Variants in STC1 observed in about 807,000 individuals in gnomAD.
STC1 encodes stanniocalcin-1.
In STC1, 7 loss-of-function variants were observed where a neutral mutation model predicts 22.6. That is an observed-to-expected ratio of 0.31 (90% CI 0.18 to 0.58). The LOEUF is 0.58. Ranked by LOEUF, STC1 falls within the 20% of genes least tolerant of loss-of-function variation. STC1 has a pLI of 0.89. For synonymous variants in STC1, 113 were observed against 120.7 expected (o/e 0.94, Z 0.42); for missense variants, 224 against 311.0 (o/e 0.72, Z 2.10).
intron 1 of STC1, among the ~76,000 whole-genome samples, chr8:23,853,105 T>C (rs1214852524): frequency 1.3e-5 from 2 of 152,110 alleles, no homozygotes; most frequent in African/African-American, 4.8e-5. Flanking sequence ...GGCCTCCCTA[T>C]GCAAGACTGG....
Position 23,843,973 on chromosome 8 carries a change from C to T in STC1, c.*797G>A, listed in dbSNP as rs1436147274. ...CTATATGCAATAAAGTTATTATATA[C>T]TGCTTTGTTTAAGCAGAGTCCTCTG... On this transcript the variant is annotated 3_prime_UTR_variant, in exon 4 of 4. Transcript: ENST00000290271. 1 of 152,622 alleles carries T rather than the reference C, an allele frequency of 6.6e-6. No homozygotes were observed. The highest frequency in any genetic ancestry group is 2.4e-5 in the African/African-American group (1 of 41,440). The allele number at this position is 152,622 out of a possible 1,614,324, so 9.5% of individuals were successfully genotyped here.
Position 23,854,142 on chromosome 8 carries a change from G to T in STC1, c.118+264C>A, listed in dbSNP as rs371145088. 6.8e-4 allele frequency: 863 copies of T among 1,273,688 alleles called. 14 individuals carry two copies. In the South Asian group the frequency reaches 0.017, roughly 25 times the overall value. The allele number at this position is 1,273,688 out of a possible 1,614,324, so 78.9% of individuals were successfully genotyped here. On this transcript the variant is annotated intron_variant, in intron 1 of 3. Coordinates refer to ENST00000290271, the MANE Select transcript of STC1 (RefSeq NM_003155.3). ...CACCCCTCCCCCTCCAAGAGGGTACGTGCCAGATTTCAGGCAATCAGGCTA... is the reference window on the plus strand; with the variant it reads ...CACCCCTCCCCCTCCAAGAGGGTACTTGCCAGATTTCAGGCAATCAGGCTA...
At position 23,854,680 on chromosome 8, in the gene STC1, ATGC is replaced by A; in HGVS notation, c.-160_-158del. On this transcript the variant is annotated 5_prime_UTR_variant, in exon 1 of 4. Transcript: ENST00000290271. ...TTTTTTTTTGTTGTTGTTGCTGGTG[ATGC>A]TGCTGCTGCCACCGGTGCCTCCGCT... is the stretch of plus-strand genomic sequence containing the variant. 7.8e-6 allele frequency: 6 copies of A among 765,558 alleles called. No individual in the cohort carries two copies. The highest frequency in any genetic ancestry group is 1.4e-5 in the South Asian group (1 of 70,244). The allele number at this position is 765,558 out of a possible 1,614,324, so 47.4% of individuals were successfully genotyped here. A position where few individuals can be genotyped will look rare whatever the true frequency, so the allele number is the denominator to read the frequency against.
At chr8:23,846,029 C>A (rs1457737445) in intron 3 of STC1, among the ~76,000 whole-genome samples, 2 of 152,188 alleles carry the variant, frequency 1.3e-5, no homozygotes, top group African/African-American at 4.8e-5. Context: ...TGCCTGATCA[C>A]TGCACATTTG....
At chr8:23,851,686 A>T (rs1206039157) in intron 2 of STC1, among the ~76,000 whole-genome samples, 155 bp from the exon 3 acceptor site, 1 of 132,296 alleles carries the variant, frequency 7.6e-6, no homozygotes, top group African/African-American at 2.8e-5. Flanking sequence ...TCGGCTAAGG[A>T]TTGAAAAAAA....
At chr8:23,848,225 G>T (rs999499486) in intron 3 of STC1, among the ~76,000 whole-genome samples, 3 of 152,048 alleles carry the variant, frequency 2.0e-5, no homozygotes, top group African/African-American at 7.2e-5. Flanking sequence ...TGGTAGTTAG[G>T]ACTGCTTAAG....
chr8:23,854,715 G>A lies in STC1; in HGVS notation c.-192C>T. On this transcript the variant is annotated 5_prime_UTR_variant, in exon 1 of 4. Coordinates refer to ENST00000290271, the MANE Select transcript of STC1 (RefSeq NM_003155.3). ...TGCCACCGGTGCCTCCGCTGCTGCT[G>A]CTGCTGCCGCCGCTGCTGCTGCTGC... 2.9e-6 allele frequency: 2 copies of A among 678,986 alleles called. No homozygotes were observed. The highest frequency in any genetic ancestry group is 2.8e-5 in the East Asian group (1 of 35,994). 42.1% of individuals were successfully genotyped at this position (678,986 alleles called of 1,614,324 possible). A position where few individuals can be genotyped will look rare whatever the true frequency, so the allele number is the denominator to read the frequency against.
chr8:23,849,359 T>A (rs538729839), intron 3 of STC1, among the ~76,000 whole-genome samples: 1 of 152,256 alleles, frequency 6.6e-6, no homozygotes, highest in South Asian at 2.1e-4. Context: ...TAAAGTGAAA[T>A]TTTTGGAGAA....
chr8:23,851,355 A>C lies in STC1; in HGVS notation c.438T>G (p.Thr146=). The C allele has an allele frequency of 3.1e-6, 5 of 1,614,140 alleles. No individual in the cohort carries two copies. Among genetic ancestry groups the C allele is most frequent in the Non-Finnish European group, 4.2e-6 (5 of 1,180,030 alleles). Residue 146 remains threonine, a synonymous_variant, in exon 3 of 4, where the codon ACT becomes ACG. Transcript: ENST00000290271. ...SIAKRNPEAI[T]EVVQLPNHFS... ...AGTGATTGGGCAGCTGGACGACCTC[A>C]GTGATGGCTTCAGGGTTCCGCTTGG...
intron 3 of STC1, among the ~76,000 whole-genome samples, chr8:23,848,085 CAGTT>C (rs1802593572): frequency 6.6e-6 from 1 of 152,150 alleles, no homozygotes; most frequent in Non-Finnish European, 1.5e-5. Context: ...TAAAATGAGG[CAGTT>C]AGTCTAGTTA....
chr8:23,845,315 C>G (rs1050111454), intron 3 of STC1, among the ~76,000 whole-genome samples: 5 of 152,098 alleles, frequency 3.3e-5, no homozygotes, highest in Non-Finnish European at 1.5e-5. Flanking sequence ...AGCAGGCTGA[C>G]TGTGGTGACT....
Position 23,842,617 on chromosome 8 carries a change from C to T in STC1, c.*2153G>A, listed in dbSNP as rs1370531891. On this transcript the variant is annotated 3_prime_UTR_variant, in exon 4 of 4. Transcript: ENST00000290271. ...GGCTTAGTTGGGTTTGCAAAATGGA[C>T]ACAACACACAAACTTTAATAGCTTT... 2.0e-5 allele frequency: 3 copies of T among 151,810 alleles called. No homozygotes were observed. The highest frequency in any genetic ancestry group is 4.4e-5 in the Non-Finnish European group (3 of 67,974). 9.4% of individuals were successfully genotyped at this position (151,810 alleles called of 1,614,324 possible). A position where few individuals can be genotyped will look rare whatever the true frequency, so the allele number is the denominator to read the frequency against.
At position 23,844,711 on chromosome 8, in the gene STC1, T is replaced by C. The variant is rs1484618492; in HGVS notation, c.*59A>G. 1.9e-6 allele frequency: 3 copies of C among 1,576,764 alleles called. No homozygotes were observed. The African/African-American group carries it at 4.1e-5, about 21-fold the overall frequency. The stretch of plus-strand genomic sequence containing the variant: ...CCAGGCACAGTACACTCAAAACTGG[T>C]GTGTCAACACCCCTAAAATGATACT... On this transcript the variant is annotated 3_prime_UTR_variant, in exon 4 of 4. Coordinates refer to ENST00000290271, the MANE Select transcript of STC1 (RefSeq NM_003155.3).
chr8:23,852,097 T>C (rs1221517429), intron 2 of STC1, 145 bp downstream of exon 2: 2 of 865,006 alleles, frequency 2.3e-6, no homozygotes, highest in African/African-American at 3.3e-5. Flanking sequence ...CACACACTTG[T>C]GCATACACAT....
At position 23,844,781 on chromosome 8, in the gene STC1, C is replaced by G; in HGVS notation, c.733G>C (p.Glu245Gln). ...SPSHIKRTSH[E>Q]SA is the part of the protein sequence containing the mutation. ...TAACCTCTCCCTGGTTATGCACTCT[C>G]ATGGGATGTGCGTTTGATGTGGGAG... The change falls in exon 4 of 4, where the codon GAG (glutamate) becomes CAG (glutamine). Residue 245 changes from glutamate to glutamine, a missense_variant. By Grantham distance (29) the Glu-to-Gln change is conservative. Coordinates refer to ENST00000290271, the MANE Select transcript of STC1 (RefSeq NM_003155.3). The G allele has an allele frequency of 6.2e-7, 1 of 1,614,124 alleles. No homozygotes were observed. The highest frequency in any genetic ancestry group is 2.2e-5 in the East Asian group (1 of 44,874).
At chr8:23,845,078 G>A (rs758657907) in intron 3 of STC1, 38 bp from the exon 4 acceptor site, 64 of 1,602,096 alleles carry the variant, frequency 4.0e-5, no homozygotes, top group Non-Finnish European at 5.2e-5. Context: ...TGGTCACCCA[G>A]TGAGAGCCCG....
intron 1 of STC1, among the ~76,000 whole-genome samples, chr8:23,853,035 A>AAAAGAAAGAAGGAAAG (rs71549821): frequency 2.7e-5 from 4 of 150,708 alleles, no homozygotes; most frequent in African/African-American, 9.8e-5. Context: ...AGCCTTTTAA[A>AAAAGAAAGAAGGAAAG]AAAGAAAGAA....
Position 23,843,160 on chromosome 8 carries a change from G to A in STC1, c.*1610C>T, listed in dbSNP as rs1394798692. 6.6e-6 allele frequency: 1 copy of A among 152,460 alleles called. No homozygotes were observed. Among genetic ancestry groups the A allele is most frequent in the African/African-American group, 2.4e-5 (1 of 41,328 alleles). 9.4% of individuals were successfully genotyped at this position (152,460 alleles called of 1,614,324 possible). The stretch of plus-strand genomic sequence containing the variant: ...TTTGGTGGGCAGTGACGCTCATAAG[G>A]GACTGTTGGGTTCAAGGACAGTGAC... On this transcript the variant is annotated 3_prime_UTR_variant, in exon 4 of 4. Coordinates refer to ENST00000290271, the MANE Select transcript of STC1 (RefSeq NM_003155.3).
At position 23,854,294 on chromosome 8, in the gene STC1, G is replaced by T. The variant is rs374310912; in HGVS notation, c.118+112C>A. On this transcript the variant is annotated intron_variant, in intron 1 of 3. Transcript: ENST00000290271. ...TACACTGGCAGTTTATTGCCATCAG[G>T]CATGAAGCACATTTATTATCAAGAT... The T allele has an allele frequency of 1.7e-4, 180 of 1,065,964 alleles. 1 individual carries two copies. In the East Asian group the frequency reaches 2.7e-3, roughly 16 times the overall value. 66.0% of individuals were successfully genotyped at this position (1,065,964 alleles called of 1,614,324 possible).
Sources: allele counts gnomAD v4.1 joint callset (sites outside exome capture counted in the v4.1 genomes callset), GRCh38; gene constraint gnomAD v4.1.1; transcripts MANE v1.5; gene names NCBI Gene and HGNC (gene_info 2026-07-23, HGNC 2026-07-21).